The following ZFAT variants were observed in gnomAD, a reference collection of about 807,000 sequenced individuals.
The protein encoded by ZFAT is zinc finger protein ZFAT.
In ZFAT, 64 loss-of-function variants were observed where a neutral mutation model predicts 117.7. The observed-to-expected ratio is 0.54, with a 90% confidence interval of 0.44 to 0.67. ZFAT has a LOEUF of 0.67. Ranked by LOEUF, ZFAT falls within the 30% of genes least tolerant of loss-of-function variation. The pLI, the probability that ZFAT is intolerant of heterozygous loss-of-function variation, is 0.00. For synonymous variants in ZFAT, 679 were observed against 615.0 expected (o/e 1.10, Z -1.54); for missense variants, 1,433 against 1,584.5 (o/e 0.90, Z 1.62).
At chr8:134,699,684 C>A (rs968883677) in intron 1 of ZFAT, among the ~76,000 whole-genome samples, 2 of 152,200 alleles carry the variant, frequency 1.3e-5, no homozygotes, top group Non-Finnish European at 2.9e-5. Flanking sequence ...ACCTCTCTGT[C>A]CCTCCGTTTA....
At position 134,670,068 on chromosome 8, in the gene ZFAT, T is replaced by C. The variant is rs575175680; in HGVS notation, c.20-12331A>G. 1.1e-4 allele frequency among the ~76,000 whole-genome samples: 16 copies of C among 152,338 alleles called. No individual in the cohort carries two copies. The South Asian group carries it at 3.1e-3, about 30-fold the overall frequency. ...AAGAGCTAACTATCCTAAATATATA[T>C]GCACCCAATACAGGAGTACCCAGAT... On this transcript the variant is annotated intron_variant, in intron 1 of 15. Coordinates refer to ENST00000377838, the MANE Select transcript of ZFAT (RefSeq NM_020863.4).
At chr8:134,560,315 G>A (rs1455719457) in intron 11 of ZFAT, among the ~76,000 whole-genome samples, 1 of 151,978 alleles carries the variant, frequency 6.6e-6, no homozygotes, top group African/African-American at 2.4e-5. Flanking sequence ...ATTTTCACAG[G>A]TTGTATGAAT....
At chr8:134,591,344 T>C (rs1321236401) in intron 7 of ZFAT, among the ~76,000 whole-genome samples, 3 of 152,238 alleles carry the variant, frequency 2.0e-5, no homozygotes, top group African/African-American at 7.2e-5. Flanking sequence ...GGGGCGCAGA[T>C]AGGTTGTTCA....
intron 7 of ZFAT, among the ~76,000 whole-genome samples, chr8:134,593,003 C>A (rs1022705313): frequency 1.3e-5 from 2 of 152,194 alleles, no homozygotes; most frequent in Non-Finnish European, 2.9e-5. Context: ...TGCCACAGAT[C>A]CCCACACAGG....
rs1342670140 is a variant in ZFAT at position 134,610,665 on chromosome 8, A to G, written c.449-10T>C. On this transcript the variant is annotated splice_polypyrimidine_tract_variant and intron_variant, in intron 3 of 15. Transcript: ENST00000377838. ...AGGTCAGACTCGTTACCTAAGGAGC[A>G]AATACCAAGATGCATAAGGTATCCT... 2.5e-6 allele frequency: 4 copies of G among 1,613,542 alleles called. No individual in the cohort carries two copies. Among genetic ancestry groups the G allele is most frequent in the Non-Finnish European group, 3.4e-6 (4 of 1,179,880 alleles).
At chr8:134,589,317 AC>A (rs367951313) in intron 8 of ZFAT, among the ~76,000 whole-genome samples, 37 of 152,266 alleles carry the variant, frequency 2.4e-4, no homozygotes, top group African/African-American at 7.9e-4. Context: ...AGGCCTCACA[AC>A]TCTGTCCATT....
the ZFAT span, among the ~76,000 whole-genome samples, chr8:134,832,177 G>C: frequency 2.8e-3 from 423 of 151,052 alleles, no homozygotes; most frequent in African/African-American, 9.6e-3. Flanking sequence ...GCTGGGGATC[G>C]GCGGCGTCCG....
At chr8:134,588,512 C>A in intron 8 of ZFAT, 117 bp from the exon 9 acceptor site, 2 of 1,135,828 alleles carry the variant, frequency 1.8e-6, no homozygotes, top group Admixed American at 3.4e-5. Flanking sequence ...CTCATGGTGT[C>A]CAGAGACAGG....
chr8:134,634,094 C>T (rs1830059172), intron 3 of ZFAT, among the ~76,000 whole-genome samples: 2 of 151,750 alleles, frequency 1.3e-5, no homozygotes, highest in African/African-American at 2.4e-5. Flanking sequence ...AAAATAGTGC[C>T]TATCTCTTAA....
intron 7 of ZFAT, among the ~76,000 whole-genome samples, chr8:134,592,787 G>T (rs955915191): frequency 3.9e-5 from 6 of 152,092 alleles, no homozygotes; most frequent in African/African-American, 1.4e-4. Flanking sequence ...CTCCTTTGGT[G>T]TTCCCCAGCG....
In ZFAT at chr8:134,540,306, A is replaced by T. The variant is rs150337920; in HGVS notation, c.2977-7334T>A. On this transcript the variant is annotated intron_variant, in intron 11 of 15. Coordinates refer to ENST00000377838, the MANE Select transcript of ZFAT (RefSeq NM_020863.4). ...TGGAACTCGATCTCCTTCCTCTCACACATCATCTCAGCCCTCAGGACTGGC... is the reference window on the plus strand; with the variant it reads ...TGGAACTCGATCTCCTTCCTCTCACTCATCATCTCAGCCCTCAGGACTGGC... Among the ~76,000 whole-genome samples the T allele has an allele frequency of 6.3e-3, 952 of 152,296 alleles. 12 individuals are homozygous for T. The highest frequency in any genetic ancestry group is 0.022 in the African/African-American group (896 of 41,570).
chr8:134,522,555 C>G (rs1563805350), intron 12 of ZFAT, among the ~76,000 whole-genome samples: 1 of 152,194 alleles, frequency 6.6e-6, no homozygotes, highest in Non-Finnish European at 1.5e-5. Context: ...ACTATGCTCC[C>G]CTCTCCAAAG....
chr8:134,808,591 C>T, the ZFAT span, among the ~76,000 whole-genome samples: 1 of 152,074 alleles, frequency 6.6e-6, no homozygotes. Context: ...GTCTGCAGTC[C>T]CATCTACTTT....
At chr8:134,488,495 T>TAAG (rs1226120894) in intron 15 of ZFAT, among the ~76,000 whole-genome samples, 5 of 152,206 alleles carry the variant, frequency 3.3e-5, no homozygotes, top group African/African-American at 1.2e-4. Flanking sequence ...GGGCCATTTG[T>TAAG]TGAATAAGCC....
the ZFAT span, among the ~76,000 whole-genome samples, chr8:134,772,962 T>G: frequency 6.6e-6 from 1 of 151,920 alleles, no homozygotes; most frequent in Non-Finnish European, 1.5e-5. Flanking sequence ...CATAGCAGCA[T>G]ACACCTGTAG....
intron 15 of ZFAT, among the ~76,000 whole-genome samples, chr8:134,481,999 C>T (rs1216234113): frequency 6.6e-6 from 1 of 152,142 alleles, no homozygotes; most frequent in African/African-American, 2.4e-5. Context: ...TCTTCCAGAG[C>T]GTTCTCTACC....
intron 15 of ZFAT, among the ~76,000 whole-genome samples, chr8:134,489,207 A>G (rs1159017837): frequency 6.6e-6 from 1 of 152,090 alleles, no homozygotes; most frequent in Admixed American, 6.5e-5. Context: ...AAGAGGAGGC[A>G]GAAAGCCTCC....
At chr8:134,754,285 A>C in the ZFAT span, among the ~76,000 whole-genome samples, 5 of 152,236 alleles carry the variant, frequency 3.3e-5, no homozygotes, top group Admixed American at 1.3e-4. Flanking sequence ...CTTAGAACAA[A>C]TACTGAGGAG....
chr8:134,559,811 T>C (rs1226921312), intron 11 of ZFAT, among the ~76,000 whole-genome samples: 1 of 152,260 alleles, frequency 6.6e-6, no homozygotes, highest in East Asian at 1.9e-4. Context: ...CTCAAAGTTA[T>C]TCCCTTCTCT....
Sources: allele counts gnomAD v4.1 joint callset (sites outside exome capture counted in the v4.1 genomes callset), GRCh38; gene constraint gnomAD v4.1.1; transcripts MANE v1.5; gene names NCBI Gene and HGNC (gene_info 2026-07-23, HGNC 2026-07-21).